Variants in GABRB1 observed in about 807,000 individuals in gnomAD.
The protein encoded by GABRB1 is gamma-aminobutyric acid receptor subunit beta-1.
Under a neutral mutation model 51.6 loss-of-function variants are expected in GABRB1, and 17 were observed. The observed-to-expected ratio is 0.33, with a 90% CI of 0.23 to 0.49. The LOEUF is 0.49. Among genes scored for constraint, GABRB1 ranks in the 20% least tolerant of loss-of-function variants. The pLI, the probability that GABRB1 is intolerant of heterozygous loss-of-function variation, is 0.99. For missense variants in GABRB1, 410 were observed against 600.6 expected (o/e 0.68, Z 3.32); for synonymous variants, 247 against 218.9 (o/e 1.13, Z -1.14).
chr4:47,341,532 T>C (rs7440984), intron 5 of GABRB1, among the ~76,000 whole-genome samples: 60,670 of 151,974 alleles, frequency 0.4, 12,249 homozygotes, highest in East Asian at 0.59. Context: ...AGTTAGTTAA[T>C]GAACAATGGT....
intron 4 of GABRB1, among the ~76,000 whole-genome samples, chr4:47,187,582 G>A (rs1480202281): frequency 6.6e-6 from 1 of 151,754 alleles, no homozygotes; most frequent in African/African-American, 2.4e-5. Flanking sequence ...GAAATTATAT[G>A]GATCCTCCCA....
At chr4:47,399,078 C>G (rs1283715149) in intron 5 of GABRB1, among the ~76,000 whole-genome samples, 1 of 152,230 alleles carries the variant, frequency 6.6e-6, no homozygotes, top group Non-Finnish European at 1.5e-5. Flanking sequence ...GCGTGAGCCA[C>G]GGCACCTGGC....
intron 4 of GABRB1, among the ~76,000 whole-genome samples, chr4:47,289,084 G>T (rs1723628471): frequency 6.6e-6 from 1 of 151,926 alleles, no homozygotes; most frequent in Admixed American, 6.6e-5. Context: ...GAGCCAGGGA[G>T]ACATGCGTAT....
chr4:47,348,422 A>G (rs1458986807), intron 5 of GABRB1, among the ~76,000 whole-genome samples: 2 of 152,218 alleles, frequency 1.3e-5, no homozygotes, highest in African/African-American at 4.8e-5. Context: ...GGTTCAATGT[A>G]TATCAACTTT....
chr4:47,082,078 G>A (rs1261114224), intron 3 of GABRB1, among the ~76,000 whole-genome samples: 1 of 151,956 alleles, frequency 6.6e-6, no homozygotes, highest in African/African-American at 2.4e-5. Context: ...CTGAAAGGTA[G>A]TGATATAGAT....
At chr4:47,413,498 C>T (rs1038635449) in intron 8 of GABRB1, among the ~76,000 whole-genome samples, 1 of 152,128 alleles carries the variant, frequency 6.6e-6, no homozygotes, top group Non-Finnish European at 1.5e-5. Flanking sequence ...TTTTAAATTG[C>T]TACCTGCTAG....
At chr4:47,373,744 G>A (rs1218903208) in intron 5 of GABRB1, among the ~76,000 whole-genome samples, 1 of 152,154 alleles carries the variant, frequency 6.6e-6, no homozygotes, top group African/African-American at 2.4e-5. Flanking sequence ...TATGTGGGAA[G>A]GTAAGGCCTG....
intron 4 of GABRB1, among the ~76,000 whole-genome samples, chr4:47,163,313 C>T (rs1337045318): frequency 1.3e-5 from 2 of 151,892 alleles, no homozygotes; most frequent in Non-Finnish European, 2.9e-5. Flanking sequence ...CTTATATAGC[C>T]TTATTAGGTA....
intron 3 of GABRB1, among the ~76,000 whole-genome samples, chr4:47,059,027 A>G (rs1207407436): frequency 6.6e-6 from 1 of 152,234 alleles, no homozygotes; most frequent in African/African-American, 2.4e-5. Flanking sequence ...GAAGATTTCA[A>G]TGTCAAATTT....
Position 47,004,121 on chromosome 4 carries a change from T to C in GABRB1, c.-20+10195T>C, listed in dbSNP as rs1044230894. Among the ~76,000 whole-genome samples the C allele has an allele frequency of 9.2e-5, 14 of 152,080 alleles. 1 individual carries two copies. The highest frequency in any genetic ancestry group is 2.1e-4 in the Non-Finnish European group (14 of 68,018). ...CCCCTGCCTCAGCCTCCCGAGTAGC[T>C]GGGACTACAGGCGCGTCCCACCAAG... On this transcript the variant is annotated intron_variant, in intron 1 of 3. Coordinates refer to the GABRB1 transcript ENST00000513567.
intron 5 of GABRB1, among the ~76,000 whole-genome samples, chr4:47,379,896 G>A (rs111984707): frequency 1.2e-4 from 18 of 152,252 alleles, no homozygotes; most frequent in African/African-American, 4.3e-4. Context: ...CTAAGCCTCA[G>A]TTCCCTAATC....
In GABRB1 at chr4:47,206,580, A is replaced by T. The variant is rs555355167; in HGVS notation, c.461+45111A>T. On this transcript the variant is annotated intron_variant, in intron 4 of 8. Transcript: ENST00000295454. ...GTTGCTTACTATGTGTGAAGCATGTATTTCATTATTTCATTTAATCTTCAG... is the reference window on the plus strand; with the variant it reads ...GTTGCTTACTATGTGTGAAGCATGTTTTTCATTATTTCATTTAATCTTCAG... Among the ~76,000 whole-genome samples the T allele has an allele frequency of 2.0e-5, 3 of 152,080 alleles. No homozygotes were observed. In the East Asian group the frequency reaches 5.8e-4, roughly 29 times the overall value.
chr4:47,068,410 A>G (rs912561529), intron 3 of GABRB1, among the ~76,000 whole-genome samples: 3 of 152,232 alleles, frequency 2.0e-5, no homozygotes, highest in Admixed American at 6.5e-5. Flanking sequence ...TTTTCAGCCT[A>G]TCTGGGCTTT....
At chr4:47,330,932 A>G (rs1321147963) in intron 5 of GABRB1, among the ~76,000 whole-genome samples, 1 of 152,206 alleles carries the variant, frequency 6.6e-6, no homozygotes, top group Non-Finnish European at 1.5e-5. Flanking sequence ...CTGCCAAATC[A>G]TTAGTTCTGA....
chr4:47,113,049 G>C (rs1281820254), intron 3 of GABRB1, among the ~76,000 whole-genome samples: 1 of 151,974 alleles, frequency 6.6e-6, no homozygotes, highest in Non-Finnish European at 1.5e-5. Context: ...AGGTATACAG[G>C]AATGTTATTC....
chr4:47,057,554 G>A (rs1726666366), intron 3 of GABRB1, among the ~76,000 whole-genome samples: 1 of 152,212 alleles, frequency 6.6e-6, no homozygotes, highest in South Asian at 2.1e-4. Context: ...ATTTTAAGTA[G>A]CGTATCCTGT....
intron 3 of GABRB1, among the ~76,000 whole-genome samples, chr4:47,052,616 C>G (rs1029040781): frequency 6.6e-6 from 1 of 152,140 alleles, no homozygotes; most frequent in Non-Finnish European, 1.5e-5. Context: ...TGGTGGAGTC[C>G]AAGAATTCAA....
In GABRB1 at chr4:47,346,862, T is replaced by C. The variant is rs73249611; in HGVS notation, c.544+26653T>C. Among the ~76,000 whole-genome samples the C allele has an allele frequency of 1.8e-3, 267 of 152,350 alleles. 1 individual carries two copies. Among genetic ancestry groups the C allele is most frequent in the Middle Eastern group, 3.4e-3 (1 of 294 alleles). Reference sequence around the variant, plus strand: ...CCAGGGGCATCTTCTCTGATTGGTTTTGTAAACATTTTGTACCAGCAGCCT... The same window carrying C: ...CCAGGGGCATCTTCTCTGATTGGTTCTGTAAACATTTTGTACCAGCAGCCT... On this transcript the variant is annotated intron_variant, in intron 5 of 8. Transcript: ENST00000295454.
At chr4:47,216,970 T>C (rs535072547) in intron 4 of GABRB1, among the ~76,000 whole-genome samples, 4 of 151,860 alleles carry the variant, frequency 2.6e-5, no homozygotes, top group Admixed American at 2.6e-4. Flanking sequence ...AGCAAGAGAA[T>C]GGAAAAATAA....
Sources: gnomAD v4.1 joint callset for allele counts (sites outside exome capture counted in the v4.1 genomes callset) on GRCh38, gnomAD v4.1.1 for gene constraint, MANE v1.5 for transcripts, NCBI Gene and HGNC (gene_info 2026-07-23, HGNC 2026-07-21) for gene names.